ASXL1: variants seen among roughly 807,000 people sequenced by gnomAD.
ASXL1 encodes polycomb group protein ASXL1.
A neutral mutation model predicts 89.1 loss-of-function variants in ASXL1; 65 were observed. That is an observed-to-expected ratio of 0.73 (90% CI 0.60 to 0.90). ASXL1 has a LOEUF of 0.90. Ranked by LOEUF, ASXL1 falls within the 40% of genes least tolerant of loss-of-function variation. ASXL1 has a pLI of 0.00. For synonymous variants in ASXL1, 739 were observed against 746.9 expected (o/e 0.99, Z 0.17); for missense variants, 1,786 against 1,942.9 (o/e 0.92, Z 1.52).
At position 32,436,181 on chromosome 20, in the gene ASXL1, A is replaced by G. The variant is rs570096882; in HGVS notation, c.3469A>G (p.Lys1157Glu). 1.2e-6 allele frequency: 2 copies of G among 1,614,262 alleles called. No homozygotes were observed. Among genetic ancestry groups the G allele is most frequent in the Admixed American group, 1.7e-5 (1 of 60,036 alleles). ...CATGGGATCTTTACATGGTCTTGGA[A>G]AAAACAGTGGCATGGTTGATGGAAG... ...LRMGSLHGLGKNSGMVDGSSP... is the reference protein window; with the variant it reads ...LRMGSLHGLGENSGMVDGSSP... The change falls in exon 13 of 13, where the codon AAA (lysine) becomes GAA (glutamate). Residue 1157 changes from lysine (K) to glutamate (E), a missense_variant. Lys to Glu is a moderately conservative substitution (Grantham distance 56, BLOSUM62 1). Coordinates refer to ENST00000375687, the MANE Select transcript of ASXL1 (RefSeq NM_015338.6).
At chr20:32,405,215 C>T (rs1418517329) in intron 4 of ASXL1, among the ~76,000 whole-genome samples, 3 of 152,018 alleles carry the variant, frequency 2.0e-5, no homozygotes, top group African/African-American at 7.2e-5. Context: ...AGGGCATAAA[C>T]GATCCTCCTG....
rs572101116 is a variant in ASXL1, at chr20:32,361,579, A to G, written c.57+2747A>G. 4.5e-4 allele frequency among the ~76,000 whole-genome samples: 51 copies of G among 112,632 alleles called. 1 individual carries two copies. In the South Asian group the frequency reaches 0.019, roughly 43 times the overall value. 73.9% of individuals were successfully genotyped at this position (112,632 alleles called of 152,430 possible). On this transcript the variant is annotated intron_variant, in intron 1 of 12. Transcript: ENST00000375687. ...CTTGAACTTGGGAGGTGGAGGTTGC[A>G]GAGAGCCAAGGCCATGCCACTGTCC...
At chr20:32,359,271 G>T (rs1444569445) in intron 1 of ASXL1, 2 of 702,460 alleles carry the variant, frequency 2.8e-6, no homozygotes, top group South Asian at 1.5e-5. Context: ...GACTCCGGGG[G>T]TGGAAAAGCG....
chr20:32,385,113 GA>G (rs2012663962), intron 4 of ASXL1, among the ~76,000 whole-genome samples: 1 of 152,148 alleles, frequency 6.6e-6, no homozygotes, highest in Admixed American at 6.6e-5. Flanking sequence ...AAATCTGGAA[GA>G]AAAAATGGAA....
intron 4 of ASXL1, among the ~76,000 whole-genome samples, chr20:32,392,099 AC>A (rs916654251): frequency 1.6e-4 from 25 of 151,562 alleles, no homozygotes; most frequent in African/African-American, 6.1e-4. Flanking sequence ...GGTTAAGTCC[AC>A]CATCTAGCTA....
intron 4 of ASXL1, among the ~76,000 whole-genome samples, chr20:32,419,896 TCTTGAACTC>T (rs889594889): frequency 1.3e-5 from 2 of 152,142 alleles, no homozygotes; most frequent in African/African-American, 4.8e-5. Flanking sequence ...GCCAGGTTGG[TCTTGAACTC>T]CTGACCTCAG....
chr20:32,406,940 A>G (rs1456504419), intron 4 of ASXL1, among the ~76,000 whole-genome samples: 1 of 152,132 alleles, frequency 6.6e-6, no homozygotes, highest in Admixed American at 6.6e-5. Flanking sequence ...ATGGATGCCT[A>G]CCTTGCTGTG....
In ASXL1 at chr20:32,431,644, A is replaced by T. The variant is rs781319292; in HGVS notation, c.944A>T (p.His315Leu). The T allele has an allele frequency of 3.2e-5, 51 of 1,613,596 alleles. No homozygotes were observed. Among genetic ancestry groups the T allele is most frequent in the Non-Finnish European group, 4.2e-5 (50 of 1,180,022 alleles). Residue 315 changes from histidine (H) to leucine (L), a missense_variant, in exon 10 of 13, where the codon CAT (histidine) becomes CTT (leucine). Coordinates refer to ENST00000375687, the MANE Select transcript of ASXL1 (RefSeq NM_015338.6). Reference protein sequence around the residue: ...SSALNNEFFTHAAQSWRERLA... With the variant: ...SSALNNEFFTLAAQSWRERLA... Reference sequence around the variant, plus strand: ...GCACTAAATAACGAGTTTTTTACCCATGCGGCTCAGAGCTGGCGGGAGCGC... The same window carrying T: ...GCACTAAATAACGAGTTTTTTACCCTTGCGGCTCAGAGCTGGCGGGAGCGC...
intron 4 of ASXL1, among the ~76,000 whole-genome samples, chr20:32,411,215 CTTTTTTTTT>C (rs71187118): frequency 2.0e-3 from 105 of 53,442 alleles, no homozygotes; most frequent in South Asian, 4.4e-3. Flanking sequence ...TTTATGGATT[CTTTTTTTTT>C]TTTTTTTTTT....
rs977623396 is a variant in ASXL1 at position 32,428,022 on chromosome 20, G to A, written c.253-106G>A. The A allele has an allele frequency of 7.9e-6, 12 of 1,514,192 alleles. No individual in the cohort carries two copies. The African/African-American group carries it at 1.4e-4, about 17-fold the overall frequency. The allele number at this position is 1,514,192 out of a possible 1,614,324, so 93.8% of individuals were successfully genotyped here. On this transcript the variant is annotated intron_variant, in intron 4 of 12. Coordinates refer to ENST00000375687, the MANE Select transcript of ASXL1 (RefSeq NM_015338.6). ...GTTAGAAAGGGTTAGGAACTTGTCA[G>A]TATTCTAAATCCCTCTTTTTCAAAA...
At chr20:32,386,789 C>CTCTT (rs374712217) in intron 4 of ASXL1, among the ~76,000 whole-genome samples, 1 of 129,652 alleles carries the variant, frequency 7.7e-6, no homozygotes, top group Non-Finnish European at 1.6e-5. Flanking sequence ...CTCTCTCTCT[C>CTCTT]TTTTTTTTTT....
intron 4 of ASXL1, among the ~76,000 whole-genome samples, chr20:32,373,078 T>C (rs1214579547): frequency 1.3e-5 from 2 of 150,090 alleles, no homozygotes; most frequent in African/African-American, 4.9e-5. Flanking sequence ...CGTGTGTCCT[T>C]GTTCATAATT....
chr20:32,434,673 C>T lies in ASXL1; in HGVS notation c.1961C>T (p.Ala654Val), dbSNP rs200756074. ...GGGPGGGGGG[A>V]TDEGGGRGSS... Reference sequence around the variant, plus strand: ...GGCCCGGGTGGAGGTGGCGGCGGGGCCACCGATGAGGGAGGTGGCAGAGGC... The same window carrying T: ...GGCCCGGGTGGAGGTGGCGGCGGGGTCACCGATGAGGGAGGTGGCAGAGGC... Residue 654 changes from alanine to valine, a missense_variant, in exon 13 of 13, where the codon GCC becomes GTC. Physicochemically the swap from Ala to Val is moderately conservative, Grantham distance 64. Coordinates refer to ENST00000375687, the MANE Select transcript of ASXL1 (RefSeq NM_015338.6). 1 of 1,600,896 alleles carries T rather than the reference C, an allele frequency of 6.2e-7. No individual in the cohort carries two copies. Among genetic ancestry groups the T allele is most frequent in the East Asian group, 2.3e-5 (1 of 44,086 alleles).
intron 4 of ASXL1, among the ~76,000 whole-genome samples, chr20:32,418,356 A>G (rs1302611029): frequency 6.6e-6 from 1 of 152,158 alleles, no homozygotes; most frequent in Non-Finnish European, 1.5e-5. Context: ...CTGGGCCCGC[A>G]CAGTGAGACC....
At chr20:32,384,401 C>T (rs1414580993) in intron 4 of ASXL1, among the ~76,000 whole-genome samples, 2 of 151,900 alleles carry the variant, frequency 1.3e-5, no homozygotes, top group African/African-American at 4.8e-5. Context: ...GGGGTTTCAC[C>T]CCCAGGCTGG....
At chr20:32,424,748 A>C (rs574110660) in intron 4 of ASXL1, among the ~76,000 whole-genome samples, 2 of 152,298 alleles carry the variant, frequency 1.3e-5, no homozygotes, top group South Asian at 4.1e-4. Context: ...TTAAATGGCT[A>C]TCTGTGGTAG....
chr20:32,358,910 G>A (rs930461650), intron 1 of ASXL1, 78 bp downstream of exon 1: 3 of 1,364,522 alleles, frequency 2.2e-6, no homozygotes, highest in Admixed American at 3.2e-5. Context: ...ACTGGGGGGG[G>A]AGGGGCAAGG....
At chr20:32,402,169 A>G (rs921970607) in intron 4 of ASXL1, among the ~76,000 whole-genome samples, 1 of 152,214 alleles carries the variant, frequency 6.6e-6, no homozygotes, top group Middle Eastern at 3.2e-3. Context: ...ATTGGTGAGT[A>G]GTATTCTATT....
chr20:32,379,851 G>A (rs1292021211), intron 4 of ASXL1, among the ~76,000 whole-genome samples: 1 of 151,514 alleles, frequency 6.6e-6, no homozygotes, highest in African/African-American at 2.4e-5. Flanking sequence ...TAAAAAAGAT[G>A]TCAGTTATGG....
Sources: allele counts gnomAD v4.1 joint callset (sites outside exome capture counted in the v4.1 genomes callset), GRCh38; gene constraint gnomAD v4.1.1; transcripts MANE v1.5; gene names NCBI Gene and HGNC (gene_info 2026-07-23, HGNC 2026-07-21).